MYH9: variants seen among roughly 807,000 people sequenced by gnomAD.
MYH9 encodes the protein myosin-9.
In MYH9, 29 loss-of-function variants were observed where a neutral mutation model predicts 241.9. The ratio of observed to expected loss-of-function variants is 0.12; its 90% confidence interval spans 0.09 to 0.16. The LOEUF (loss-of-function observed/expected upper bound fraction) is 0.16. MYH9 is among the 10% of genes least tolerant of loss of function. The pLI is 1.00. For synonymous variants in MYH9, 1,047 were observed against 1,062.6 expected, an observed-to-expected ratio of 0.99 and a Z score of 0.29; for missense variants, 1,803 against 2,595.5, an observed-to-expected ratio of 0.69 and a Z score of 6.63.
Position 36,285,535 on chromosome 22 carries a change from T to C in MYH9, c.5274+123A>G. 1 of 1,497,742 alleles carries C rather than the reference T, an allele frequency of 6.7e-7. No homozygotes were observed. The highest frequency in any genetic ancestry group is 9.1e-7 in the Non-Finnish European group (1 of 1,101,888). 92.8% of individuals were successfully genotyped at this position (1,497,742 alleles called of 1,614,324 possible). The stretch of plus-strand genomic sequence containing the variant: ...CTTTCAGGTCCAGGTGCCTGGACAT[T>C]TTCCCCTAAGCGCCTGGGGAGCAGC... On this transcript the variant is annotated intron_variant, in intron 37 of 40. Coordinates refer to ENST00000216181, the MANE Select transcript of MYH9 (RefSeq NM_002473.6). This position sits in a 1 kb window ranked among gnomAD's most constrained non-coding sequence, Gnocchi z 7.0.
chr22:36,367,076 A>C (rs930654193), intron 1 of MYH9, among the ~76,000 whole-genome samples: 1 of 152,224 alleles, frequency 6.6e-6, no homozygotes, highest in African/African-American at 2.4e-5. Context: ...AGTGCGGTCC[A>C]TGGACTTTTA....
chr22:36,381,979 TTTG>T (rs540701479), intron 1 of MYH9, among the ~76,000 whole-genome samples: 5 of 151,950 alleles, frequency 3.3e-5, no homozygotes, highest in Admixed American at 1.3e-4. Context: ...ACAACTTTCT[TTTG>T]TTGTTGTTGT....
intron 1 of MYH9, among the ~76,000 whole-genome samples, chr22:36,366,112 T>A (rs941234296): frequency 1.3e-5 from 2 of 152,032 alleles, no homozygotes; most frequent in East Asian, 1.9e-4. Flanking sequence ...CACTTGAACC[T>A]GGGAGGCAGA....
At chr22:36,290,850 G>T (rs1317329261) in intron 31 of MYH9, among the ~76,000 whole-genome samples, 3 of 152,016 alleles carry the variant, frequency 2.0e-5, no homozygotes, top group Admixed American at 6.5e-5. Flanking sequence ...CCCCGTCTGG[G>T]AGGTGAGGAG....
At chr22:36,380,428 A>C (rs2018238600) in intron 1 of MYH9, among the ~76,000 whole-genome samples, 1 of 152,186 alleles carries the variant, frequency 6.6e-6, no homozygotes, top group Admixed American at 6.5e-5. Flanking sequence ...TAGTGGATGC[A>C]ATGACCCCAA....
intron 1 of MYH9, among the ~76,000 whole-genome samples, chr22:36,382,925 C>T (rs888603615): frequency 2.6e-5 from 4 of 152,066 alleles, no homozygotes; most frequent in Admixed American, 1.3e-4. Flanking sequence ...GGCACCTCCT[C>T]GGAAATCAAA....
In MYH9 at chr22:36,285,201, G is replaced by A. The variant is rs1480926276; in HGVS notation, c.5403C>T (p.Val1801=). The A allele has an allele frequency of 1.9e-6, 3 of 1,614,222 alleles. No homozygotes were observed. The highest frequency in any genetic ancestry group is 1.3e-5 in the African/African-American group (1 of 75,068). ...TGATGGAGGCCTTGTACTTGGACTTGACAGTGCCCTCCATCTCCTGCAGCT... is the reference window on the plus strand; with the variant it reads ...TGATGGAGGCCTTGTACTTGGACTTAACAGTGCCCTCCATCTCCTGCAGCT... ...KVKLQEMEGT[V]KSKYKASITA... The change falls in exon 38 of 41, where the codon GTC becomes GTT. Residue 1801 remains valine, a synonymous_variant. Transcript: ENST00000216181. This position sits in a 1 kb window ranked among gnomAD's most constrained non-coding sequence, Gnocchi z 7.0.
rs2017074558 is a variant in MYH9, at chr22:36,312,150, C to T, written c.1627G>A (p.Val543Met). The T allele has an allele frequency of 6.2e-7, 1 of 1,614,094 alleles. No homozygotes were observed. Among genetic ancestry groups the T allele is most frequent in the Admixed American group, 1.7e-5 (1 of 60,008 alleles). Residue 543 changes from valine to methionine, a missense_variant, in exon 14 of 41, where the codon GTG (valine) becomes ATG (methionine). Coordinates refer to ENST00000216181, the MANE Select transcript of MYH9 (RefSeq NM_002473.6). Reference protein sequence around the residue: ...WFPKATDKSFVEKVMQEQGTH... With the variant: ...WFPKATDKSFMEKVMQEQGTH... ...CCCTGCTCCTGCATCACCTTCTCCACGAAGCTCTTGTCGGTGGCTTTGGGG... is the reference window on the plus strand; with the variant it reads ...CCCTGCTCCTGCATCACCTTCTCCATGAAGCTCTTGTCGGTGGCTTTGGGG...
intron 1 of MYH9, among the ~76,000 whole-genome samples, chr22:36,352,567 C>T (rs947488298): frequency 1.3e-5 from 2 of 152,214 alleles, no homozygotes; most frequent in African/African-American, 2.4e-5. Context: ...AAACATCACA[C>T]CAGCTGGCGG....
intron 31 of MYH9, among the ~76,000 whole-genome samples, chr22:36,289,738 G>A (rs779607786): frequency 2.0e-5 from 3 of 152,048 alleles, no homozygotes; most frequent in Non-Finnish European, 4.4e-5. Context: ...CTGTCCCCTG[G>A]CATCTGTTCT....
chr22:36,365,365 T>C (rs1312594725), intron 1 of MYH9, among the ~76,000 whole-genome samples: 1 of 152,216 alleles, frequency 6.6e-6, no homozygotes, highest in Non-Finnish European at 1.5e-5. Flanking sequence ...GCAGCTCAGC[T>C]CGGGCCTGGA....
chr22:36,333,038 G>C (rs538133402), intron 3 of MYH9, among the ~76,000 whole-genome samples: 10 of 152,278 alleles, frequency 6.6e-5, no homozygotes, highest in African/African-American at 2.4e-4. Context: ...AAGCAGGAGG[G>C]GCCCCTGTTG....
chr22:36,377,835 CGA>C (rs1388530756), intron 1 of MYH9, among the ~76,000 whole-genome samples: 1 of 151,924 alleles, frequency 6.6e-6, no homozygotes, highest in Non-Finnish European at 1.5e-5. Flanking sequence ...GGCGTGAACC[CGA>C]GAGGCGGAGC....
At position 36,358,370 on chromosome 22, in the gene MYH9, G is replaced by A. The variant is rs1010409148; in HGVS notation, c.-19-9115C>T. Among the ~76,000 whole-genome samples the A allele has an allele frequency of 7.9e-5, 12 of 152,178 alleles. No homozygotes were observed. In the East Asian group the frequency reaches 1.9e-3, roughly 24 times the overall value. ...GTCAGCCACCGCACCAGGCCCAAACGCTATTTATTGAATAGTTTTGGCAAA... is the reference window on the plus strand; with the variant it reads ...GTCAGCCACCGCACCAGGCCCAAACACTATTTATTGAATAGTTTTGGCAAA... On this transcript the variant is annotated intron_variant, in intron 1 of 40. Transcript: ENST00000216181.
Position 36,300,800 on chromosome 22 carries a change from C to T in MYH9, c.2838+51G>A, listed in dbSNP as rs2016864296. 1.9e-6 allele frequency: 3 copies of T among 1,592,142 alleles called. No individual in the cohort carries two copies. Among genetic ancestry groups the T allele is most frequent in the Admixed American group, 1.7e-5 (1 of 59,958 alleles). ...CAGCTCCTGGTTCCTGCTCCTCCGC[C>T]CCGCCCTGCCCCTCCGGCGCCACCC... On this transcript the variant is annotated intron_variant, in intron 22 of 40. Transcript: ENST00000216181. This position sits in a 1 kb window ranked among gnomAD's most constrained non-coding sequence, Gnocchi z 5.0.
chr22:36,378,262 A>C (rs1470721877), intron 1 of MYH9, among the ~76,000 whole-genome samples: 3 of 152,166 alleles, frequency 2.0e-5, no homozygotes, highest in Non-Finnish European at 4.4e-5. Context: ...CAACAGAGCA[A>C]GACGCTGTCT....
chr22:36,345,662 T>C (rs2017665720), intron 2 of MYH9, among the ~76,000 whole-genome samples: 1 of 152,214 alleles, frequency 6.6e-6, no homozygotes, highest in Non-Finnish European at 1.5e-5. Flanking sequence ...ATTTCAGTGG[T>C]TAATACTCCT....
Position 36,292,232 on chromosome 22 carries a change from C to T in MYH9, c.4098G>A (p.Val1366=), listed in dbSNP as rs762090570. Residue 1366 remains valine, a splice_region_variant and synonymous_variant, in exon 31 of 41, where the codon GTG becomes GTA. Coordinates refer to ENST00000216181, the MANE Select transcript of MYH9 (RefSeq NM_002473.6). ...EKQIATLHAQ[V]ADMKKKMEDS... ...CCTCCATCTTCTTTTTCATGTCGGCCACCTGGGCAGGAGCAAGGAGTAAGC... is the reference window on the plus strand; with the variant it reads ...CCTCCATCTTCTTTTTCATGTCGGCTACCTGGGCAGGAGCAAGGAGTAAGC... 10 of 1,613,836 alleles carry T rather than the reference C, an allele frequency of 6.2e-6. No individual in the cohort carries two copies. In the South Asian group the frequency reaches 1.1e-4, roughly 18 times the overall value.
At chr22:36,347,946 C>T (rs1369023606) in intron 2 of MYH9, among the ~76,000 whole-genome samples, 1 of 151,086 alleles carries the variant, frequency 6.6e-6, no homozygotes, top group Non-Finnish European at 1.5e-5. Context: ...TAGAAGGAAT[C>T]TACTACATTT....
Sources: allele counts gnomAD v4.1 joint callset (sites outside exome capture counted in the v4.1 genomes callset), GRCh38; gene constraint gnomAD v4.1.1; non-coding constraint Gnocchi (gnomAD v3.1); transcripts MANE v1.5; gene names NCBI Gene and HGNC (gene_info 2026-07-23, HGNC 2026-07-21).